The following ARMC9 variants were observed in gnomAD, a reference collection of about 807,000 sequenced individuals.
The protein encoded by ARMC9 is lisH domain-containing protein ARMC9.
Under a neutral mutation model 107.0 loss-of-function variants are expected in ARMC9, and 94 were observed. The ratio of observed to expected loss-of-function variants is 0.88; its 90% CI spans 0.74 to 1.04. The LOEUF (loss-of-function observed/expected upper bound fraction) is 1.04. Ranked by LOEUF, ARMC9 falls within the 50% of genes least tolerant of loss-of-function variation. The pLI is 0.00. For missense variants in ARMC9, 942 were observed against 1,030.1 expected (o/e 0.91, Z 1.17); for synonymous variants, 380 against 396.9 (o/e 0.96, Z 0.51).
At chr2:231,337,295 T>A (rs1417789271) in intron 20 of ARMC9, among the ~76,000 whole-genome samples, 150 of 106,742 alleles carry the variant, frequency 1.4e-3, no homozygotes, top group African/African-American at 6.1e-3. Context: ...TATATATTTT[T>A]TTTTTTTTTT....
intron 17 of ARMC9, among the ~76,000 whole-genome samples, chr2:231,287,122 A>T (rs2040649530): frequency 6.6e-6 from 1 of 152,208 alleles, no homozygotes. Context: ...AGCTGGGCTT[A>T]GAAGCCACTC....
intron 12 of ARMC9, among the ~76,000 whole-genome samples, chr2:231,264,900 A>G (rs1011601664): frequency 6.6e-6 from 1 of 151,904 alleles, no homozygotes; most frequent in Non-Finnish European, 1.5e-5. Context: ...AGGTTAGGAG[A>G]TCAAGACCAG....
chr2:231,249,755 G>T (rs1574793718), intron 9 of ARMC9, among the ~76,000 whole-genome samples: 1 of 152,048 alleles, frequency 6.6e-6, no homozygotes, highest in South Asian at 2.1e-4. Context: ...TCCTAAAAAG[G>T]GTTGCGCCTG....
chr2:231,351,404 T>TA (rs767913845), intron 21 of ARMC9, among the ~76,000 whole-genome samples: 16 of 152,138 alleles, frequency 1.1e-4, no homozygotes, highest in Non-Finnish European at 2.2e-4. Context: ...TGTTGAATAT[T>TA]ACATTTCCCT....
intron 19 of ARMC9, among the ~76,000 whole-genome samples, chr2:231,299,348 G>A (rs1398336387): frequency 3.9e-5 from 6 of 152,186 alleles, no homozygotes; most frequent in African/African-American, 4.8e-5. Flanking sequence ...CCTATGTAGC[G>A]GAAAGGTGTG....
At chr2:231,329,269 G>A (rs1445395236) in intron 19 of ARMC9, among the ~76,000 whole-genome samples, 2 of 152,082 alleles carry the variant, frequency 1.3e-5, no homozygotes, top group East Asian at 3.8e-4. Context: ...CTTGATTCAT[G>A]AACGAGGTGT....
intron 17 of ARMC9, among the ~76,000 whole-genome samples, chr2:231,286,999 T>C (rs2040640197): frequency 6.6e-6 from 1 of 152,174 alleles, no homozygotes; most frequent in Admixed American, 6.5e-5. Flanking sequence ...GCTGGAGTCA[T>C]AGTCAGCCAT....
rs2038445208 is a variant in ARMC9 at position 231,262,335 on chromosome 2, G to T, written c.1056G>T (p.Gln352His). 4 of 1,614,192 alleles carry T rather than the reference G, an allele frequency of 2.5e-6. No homozygotes were observed. In the East Asian group the frequency reaches 8.9e-5, roughly 36 times the overall value. The change falls in exon 12 of 25, where the codon CAG (glutamine) becomes CAT (histidine). Residue 352 changes from glutamine (Q) to histidine (H), a missense_variant. By Grantham distance (24) the Gln-to-His change is conservative (BLOSUM62 0). Coordinates refer to ENST00000611582, the MANE Select transcript of ARMC9 (RefSeq NM_001352754.2). The part of the protein sequence containing the change: ...WRLTTSHPGE[Q>H]RETVLQAYIS... ...TGACCACATCCCATCCTGGAGAGCA[G>T]AGGGAGACCGTTCTGCAAGCCTACA...
At chr2:231,369,688 G>T (rs1187602907) in intron 23 of ARMC9, among the ~76,000 whole-genome samples, 1 of 151,732 alleles carries the variant, frequency 6.6e-6, no homozygotes, top group Non-Finnish European at 1.5e-5. Flanking sequence ...CCTCCTCCCA[G>T]GTTCAAGCGG....
chr2:231,305,258 G>A (rs942581576), intron 19 of ARMC9, among the ~76,000 whole-genome samples: 6 of 152,310 alleles, frequency 3.9e-5, no homozygotes, highest in African/African-American at 1.4e-4. Flanking sequence ...TGAGATCGCT[G>A]CCTTGGTTTG....
intron 3 of ARMC9, among the ~76,000 whole-genome samples, chr2:231,211,253 G>A (rs1409590105): frequency 2.0e-5 from 3 of 151,902 alleles, no homozygotes; most frequent in Non-Finnish European, 4.4e-5. Context: ...GGGCGTGGTG[G>A]CTCATGCCTG....
At chr2:231,265,995 CT>C (rs1303180860) in intron 12 of ARMC9, among the ~76,000 whole-genome samples, 22 of 135,408 alleles carry the variant, frequency 1.6e-4, no homozygotes, top group Non-Finnish European at 3.1e-4. Flanking sequence ...GAGACGCCAT[CT>C]AAAAAAAAAA....
chr2:231,248,365 T>TG (rs960572527), intron 9 of ARMC9, among the ~76,000 whole-genome samples: 27 of 152,188 alleles, frequency 1.8e-4, no homozygotes, highest in African/African-American at 6.0e-4. Flanking sequence ...CCTTTCTGGT[T>TG]GTGTCTTGTT....
intron 19 of ARMC9, among the ~76,000 whole-genome samples, chr2:231,310,215 G>A (rs1575035642): frequency 6.6e-6 from 1 of 151,712 alleles, no homozygotes; most frequent in South Asian, 2.1e-4. Flanking sequence ...GGGAGTTCGC[G>A]ACCAGCCTGA....
intron 11 of ARMC9, 111 bp from the exon 12 acceptor site, chr2:231,262,195 T>G: frequency 1.0e-6 from 1 of 989,274 alleles, no homozygotes; most frequent in Non-Finnish European, 1.6e-6. Context: ...ACTTATTTTG[T>G]TTGGTTAAAT....
intron 17 of ARMC9, among the ~76,000 whole-genome samples, chr2:231,282,478 T>C (rs1195206735): frequency 6.6e-6 from 1 of 152,260 alleles, no homozygotes; most frequent in East Asian, 1.9e-4. Context: ...GTAAACTCAG[T>C]GTTTAATGTG....
chr2:231,303,645 A>C (rs1163657794), intron 19 of ARMC9, among the ~76,000 whole-genome samples: 2 of 152,102 alleles, frequency 1.3e-5, no homozygotes, highest in Non-Finnish European at 2.9e-5. Context: ...ATTTATTTAT[A>C]TTGACTTTCA....
chr2:231,209,332 G>C (rs1454565810), intron 3 of ARMC9, among the ~76,000 whole-genome samples: 3 of 152,154 alleles, frequency 2.0e-5, no homozygotes, highest in Non-Finnish European at 2.9e-5. Flanking sequence ...ATTGAGCCAT[G>C]ATCATACTGC....
intron 9 of ARMC9, among the ~76,000 whole-genome samples, chr2:231,245,828 C>T (rs2036709782): frequency 6.6e-6 from 1 of 152,152 alleles, no homozygotes; most frequent in Admixed American, 6.5e-5. Context: ...TCTTCTTCAC[C>T]CCCTGTTCCC....
Sources: gnomAD v4.1 joint callset for allele counts (sites outside exome capture counted in the v4.1 genomes callset) on GRCh38, gnomAD v4.1.1 for gene constraint, MANE v1.5 for transcripts, NCBI Gene and HGNC (gene_info 2026-07-23, HGNC 2026-07-21) for gene names.